Variants in C2orf78 observed in about 807,000 individuals in gnomAD.
The protein encoded by C2orf78 is uncharacterized protein C2orf78.
In C2orf78, 12 loss-of-function variants were observed where a neutral mutation model predicts 21.4. The ratio of observed to expected loss-of-function variants is 0.56; its 90% CI spans 0.36 to 0.91. The LOEUF (loss-of-function observed/expected upper bound fraction) is 0.91, where lower values mean the gene tolerates loss of function less well. C2orf78 is among the 40% of genes least tolerant of loss of function. The pLI, the probability that C2orf78 is intolerant of heterozygous loss-of-function variation, is 0.01. For synonymous variants in C2orf78, 396 were observed against 413.9 expected, an observed-to-expected ratio of 0.96 and a Z score of 0.52; for missense variants, 1,042 against 1,092.4, an observed-to-expected ratio of 0.95 and a Z score of 0.65.
intron 1 of C2orf78, among the ~76,000 whole-genome samples, chr2:73,811,189 G>C (rs1016547188): frequency 1.3e-5 from 2 of 151,706 alleles, no homozygotes; most frequent in African/African-American, 2.4e-5. Flanking sequence ...TACTTGGGAG[G>C]CTTAGGCAGG....
chr2:73,786,635 T>C (rs1206851459), intron 1 of C2orf78, among the ~76,000 whole-genome samples: 2 of 8,808 alleles, frequency 2.3e-4, no homozygotes, highest in African/African-American at 8.8e-4. Flanking sequence ...TCCTTATGCT[T>C]GGGCACACAG....
chr2:73,812,859 A>C (rs1464640948), intron 1 of C2orf78, among the ~76,000 whole-genome samples: 1 of 152,212 alleles, frequency 6.6e-6, no homozygotes, highest in Non-Finnish European at 1.5e-5. Flanking sequence ...ACTCTAGGAC[A>C]TATCATATGA....
At chr2:73,815,648 A>C in exon 3 of C2orf78, 1 of 1,614,020 alleles carries the variant, frequency 6.2e-7, no homozygotes, top group Non-Finnish European at 8.5e-7. Context: ...AGAAAGCCAA[A>C]GATACCAGTG....
chr2:73,816,020 G>A (rs1448408779), exon 3 of C2orf78: 1 of 1,613,892 alleles, frequency 6.2e-7, no homozygotes, highest in South Asian at 1.1e-5. Flanking sequence ...TAGAAGAGAA[G>A]CAAACCATTC....
chr2:73,786,122 G>A (rs1452194225), intron 1 of C2orf78, among the ~76,000 whole-genome samples: 1 of 152,024 alleles, frequency 6.6e-6, no homozygotes, highest in African/African-American at 2.4e-5. Flanking sequence ...GCTCACACCT[G>A]TAATCACAGC....
At chr2:73,814,582 G>A (rs1427047980) in intron 2 of C2orf78, among the ~76,000 whole-genome samples, 2 of 152,018 alleles carry the variant, frequency 1.3e-5, no homozygotes, top group African/African-American at 4.8e-5. Context: ...TTATTTTGGC[G>A]GTGACATTTT....
At chr2:73,813,889 T>A (rs538952528) in exon 2 of C2orf78, 1 of 1,613,912 alleles carries the variant, frequency 6.2e-7, no homozygotes, top group Non-Finnish European at 8.5e-7. Flanking sequence ...AAACTTCAGA[T>A]ACCAATACTA....
chr2:73,811,499 G>A (rs1673088441), intron 1 of C2orf78, among the ~76,000 whole-genome samples: 1 of 152,154 alleles, frequency 6.6e-6, no homozygotes, highest in Non-Finnish European at 1.5e-5. Flanking sequence ...ATGAAAAGTA[G>A]ATTCCAAGTA....
chr2:73,814,882 C>T (rs1347565819), intron 2 of C2orf78, among the ~76,000 whole-genome samples, 189 bp from the exon 3 acceptor site: 1 of 152,202 alleles, frequency 6.6e-6, no homozygotes, highest in African/African-American at 2.4e-5. Flanking sequence ...AAGAAACAAT[C>T]ACATCAAATG....
At chr2:73,815,660 C>T in exon 3 of C2orf78, 1 of 1,613,950 alleles carries the variant, frequency 6.2e-7, no homozygotes, top group Non-Finnish European at 8.5e-7. Context: ...ATACCAGTGC[C>T]ATCAAGGTAA....
At chr2:73,809,127 A>G (rs1381932948) in intron 1 of C2orf78, among the ~76,000 whole-genome samples, 1 of 152,182 alleles carries the variant, frequency 6.6e-6, no homozygotes, top group African/African-American at 2.4e-5. Context: ...ACACTAGGAT[A>G]ATAGACTGGT....
exon 3 of C2orf78, chr2:73,816,481 G>A (rs777924523): frequency 8.7e-6 from 14 of 1,613,752 alleles, no homozygotes; most frequent in South Asian, 2.2e-5. Context: ...TACCCTGCTC[G>A]ACCTGATTCT....
intron 1 of C2orf78, among the ~76,000 whole-genome samples, chr2:73,785,993 C>G (rs1407414998): frequency 6.6e-6 from 1 of 151,726 alleles, no homozygotes; most frequent in African/African-American, 2.4e-5. Flanking sequence ...TTGTGGTGAG[C>G]CAAGATCGCG....
At chr2:73,810,760 T>A (rs1390907669) in intron 1 of C2orf78, among the ~76,000 whole-genome samples, 2 of 131,696 alleles carry the variant, frequency 1.5e-5, no homozygotes, top group African/African-American at 5.7e-5. Context: ...TTTATGTATA[T>A]ATAATATATA....
At chr2:73,813,962 A>T (rs1286979368) in exon 2 of C2orf78, 1 of 1,614,028 alleles carries the variant, frequency 6.2e-7, no homozygotes, top group East Asian at 2.2e-5. Context: ...TCAAATTCCA[A>T]ATCAGCAGGG....
At chr2:73,810,412 A>T (rs1673055071) in intron 1 of C2orf78, among the ~76,000 whole-genome samples, 1 of 151,522 alleles carries the variant, frequency 6.6e-6, no homozygotes, top group Admixed American at 6.6e-5. Context: ...CTGTAATCCC[A>T]GCTACTTGGG....
exon 3 of C2orf78, chr2:73,815,414 G>C: frequency 1.2e-6 from 2 of 1,613,834 alleles, no homozygotes; most frequent in Non-Finnish European, 1.7e-6. Context: ...ATATTCACCC[G>C]CTTCTGGCCT....
intron 1 of C2orf78, chr2:73,808,734 C>A: frequency 6.6e-7 from 1 of 1,516,424 alleles, no homozygotes; most frequent in Non-Finnish European, 8.8e-7. Context: ...CTGGGCGTGG[C>A]CTGTAAATTT....
exon 3 of C2orf78, chr2:73,816,952 G>T: frequency 1.2e-6 from 2 of 1,611,210 alleles, no homozygotes; most frequent in South Asian, 1.1e-5. Context: ...GAAAGGGAAA[G>T]AGATATGGAA....
Sources: allele counts gnomAD v4.1 joint callset (sites outside exome capture counted in the v4.1 genomes callset), GRCh38; gene constraint gnomAD v4.1.1; transcripts MANE v1.5; gene names NCBI Gene and HGNC (gene_info 2026-07-23, HGNC 2026-07-21).